ERG: variants seen among roughly 807,000 people sequenced by gnomAD.
ERG encodes the protein transcriptional regulator ERG.
Under a neutral mutation model 55.3 loss-of-function variants are expected in ERG, and 9 were observed. That is an observed-to-expected ratio of 0.16 (90% CI 0.10 to 0.28). The LOEUF (loss-of-function observed/expected upper bound fraction) is 0.28, where lower values mean the gene tolerates loss of function less well. ERG is among the 10% of genes least tolerant of loss of function. The pLI, the probability that ERG is intolerant of heterozygous loss-of-function variation, is 1.00. For missense variants in ERG, 434 were observed against 631.6 expected (o/e 0.69, Z 3.35); for synonymous variants, 223 against 237.3 (o/e 0.94, Z 0.55).
intron 6 of ERG, among the ~76,000 whole-genome samples, chr21:38,396,761 CT>C (rs2146440748): frequency 1.3e-5 from 2 of 152,182 alleles, no homozygotes; most frequent in East Asian, 3.9e-4. Context: ...GTTTTTGCCA[CT>C]TTTTCCCCTG....
At chr21:38,509,133 C>G (rs996187386) in intron 2 of ERG, among the ~76,000 whole-genome samples, 8 of 152,150 alleles carry the variant, frequency 5.3e-5, no homozygotes, top group Admixed American at 5.2e-4. Flanking sequence ...GCCCTGGAAC[C>G]ATGAGAGATT....
At chr21:38,424,867 AG>A (rs1206247717) in intron 2 of ERG, among the ~76,000 whole-genome samples, 3 of 152,188 alleles carry the variant, frequency 2.0e-5, no homozygotes, top group Non-Finnish European at 4.4e-5. Flanking sequence ...CCCTTGGGAA[AG>A]GGATAGGGAA....
At chr21:38,560,680 C>G (rs905570273) in intron 2 of ERG, among the ~76,000 whole-genome samples, 1 of 152,082 alleles carries the variant, frequency 6.6e-6, no homozygotes, top group Admixed American at 6.5e-5. Context: ...CCAATACCAG[C>G]AAAAAGTGAC....
At chr21:38,427,017 T>C (rs1326811026) in intron 2 of ERG, among the ~76,000 whole-genome samples, 3 of 152,210 alleles carry the variant, frequency 2.0e-5, no homozygotes, top group Non-Finnish European at 4.4e-5. Flanking sequence ...TTTAGTTCTT[T>C]CTAGTTTAAT....
intron 1 of ERG, among the ~76,000 whole-genome samples, chr21:38,450,081 T>C (rs1231364605): frequency 1.3e-5 from 2 of 150,932 alleles, no homozygotes; most frequent in African/African-American, 2.5e-5. Flanking sequence ...TGTATGATCA[T>C]GATCATGCTT....
At chr21:38,567,487 T>G (rs988873440) in intron 2 of ERG, among the ~76,000 whole-genome samples, 3 of 152,174 alleles carry the variant, frequency 2.0e-5, no homozygotes, top group Admixed American at 1.3e-4. Context: ...CGGGATGTGC[T>G]AACCAGGCTG....
intron 1 of ERG, among the ~76,000 whole-genome samples, chr21:38,650,506 G>A (rs1248569793): frequency 3.9e-5 from 6 of 152,074 alleles, no homozygotes; most frequent in Non-Finnish European, 7.4e-5. Flanking sequence ...GTATGGTGGT[G>A]TGCACCTGTA....
chr21:38,654,728 T>G (rs1457555813), intron 1 of ERG, among the ~76,000 whole-genome samples: 1 of 152,222 alleles, frequency 6.6e-6, no homozygotes, highest in Non-Finnish European at 1.5e-5. Context: ...AAAGTACTTT[T>G]CAATACTGAA....
At chr21:38,588,364 A>C (rs1393588888), upstream of ERG, among the ~76,000 whole-genome samples, 1 of 152,138 alleles carries the variant, frequency 6.6e-6, no homozygotes, top group Non-Finnish European at 1.5e-5. Flanking sequence ...CAGTGGGACA[A>C]ACCACATGAC....
At chr21:38,519,556 G>A (rs148955514) in intron 2 of ERG, among the ~76,000 whole-genome samples, 2 of 152,170 alleles carry the variant, frequency 1.3e-5, no homozygotes, top group African/African-American at 4.8e-5. Context: ...ACTCTCATTT[G>A]CTTAACCCAA....
At chr21:38,429,033 C>T (rs1441547541) in intron 2 of ERG, among the ~76,000 whole-genome samples, 1 of 152,156 alleles carries the variant, frequency 6.6e-6, no homozygotes, top group Non-Finnish European at 1.5e-5. Flanking sequence ...TTCTCCCTCA[C>T]CCACTCCCAT....
intron 1 of ERG, among the ~76,000 whole-genome samples, chr21:38,481,934 T>C (rs13051739): frequency 0.97 from 147,830 of 152,324 alleles, 71,768 homozygotes; most frequent in Middle Eastern, 0.99. Flanking sequence ...TTGTCAAAGT[T>C]GAATATTTCA....
At chr21:38,390,329 C>T (rs1485401340) in intron 9 of ERG, among the ~76,000 whole-genome samples, 1 of 152,194 alleles carries the variant, frequency 6.6e-6, no homozygotes, top group Admixed American at 6.5e-5. Flanking sequence ...TATCAAGGCT[C>T]TCTTTTAAAA....
At chr21:38,565,343 A>G (rs1464629592) in intron 2 of ERG, among the ~76,000 whole-genome samples, 1 of 152,200 alleles carries the variant, frequency 6.6e-6, no homozygotes, top group Non-Finnish European at 1.5e-5. Context: ...ATTATACTTC[A>G]AGAAAGCTTT....
intron 1 of ERG, among the ~76,000 whole-genome samples, chr21:38,469,972 G>A (rs2059125386): frequency 6.6e-6 from 1 of 152,194 alleles, no homozygotes; most frequent in South Asian, 2.1e-4. Flanking sequence ...TCTGCAGTTT[G>A]TATATGCAGC....
intron 2 of ERG, among the ~76,000 whole-genome samples, chr21:38,567,766 T>C (rs2059932016): frequency 1.3e-5 from 2 of 152,190 alleles, no homozygotes; most frequent in African/African-American, 2.4e-5. Flanking sequence ...ATGGGATAAA[T>C]CATCACCAGC....
intron 2 of ERG, among the ~76,000 whole-genome samples, chr21:38,564,162 G>A (rs1457881773): frequency 1.3e-5 from 2 of 152,038 alleles, no homozygotes; most frequent in African/African-American, 4.8e-5. Context: ...AACTGAATTG[G>A]ATGCCACAAG....
chr21:38,660,974 C>T (rs2060551391), intron 1 of ERG, among the ~76,000 whole-genome samples: 2 of 151,870 alleles, frequency 1.3e-5, no homozygotes, highest in African/African-American at 4.8e-5. Flanking sequence ...GGGTTTAGGA[C>T]GCGGCTGGCG....
At chr21:38,446,089 A>G (rs1317896897) in intron 1 of ERG, among the ~76,000 whole-genome samples, 1 of 152,088 alleles carries the variant, frequency 6.6e-6, no homozygotes, top group African/African-American at 2.4e-5. Context: ...AGAGGGACTT[A>G]GAGGAAGACA....
Sources: allele counts gnomAD v4.1 joint callset (sites outside exome capture counted in the v4.1 genomes callset), GRCh38; gene constraint gnomAD v4.1.1; transcripts MANE v1.5; gene names NCBI Gene and HGNC (gene_info 2026-07-23, HGNC 2026-07-21).